The following NFAM1 variants were observed in gnomAD, a reference collection of about 807,000 sequenced individuals.
The protein encoded by NFAM1 is NFAT activating protein with ITAM motif 1.
Under a neutral mutation model 29.0 loss-of-function variants are expected in NFAM1, and 17 were observed. The ratio of observed to expected loss-of-function variants is 0.59; its 90% CI spans 0.40 to 0.88. The LOEUF (loss-of-function observed/expected upper bound fraction) is 0.88, where lower values mean the gene tolerates loss of function less well. NFAM1 is among the 40% of genes least tolerant of loss of function. NFAM1 has a pLI of 0.00. For synonymous variants in NFAM1, 175 were observed against 147.2 expected (o/e 1.19, Z -1.36); for missense variants, 324 against 344.6 (o/e 0.94, Z 0.47).
At chr22:42,421,514 C>G (rs1460300647) in intron 1 of NFAM1, among the ~76,000 whole-genome samples, 1 of 152,000 alleles carries the variant, frequency 6.6e-6, no homozygotes, top group African/African-American at 2.4e-5. Context: ...TCCTCTCACC[C>G]CCAGAATCTG....
At chr22:42,429,337 C>G (rs758901371) in intron 1 of NFAM1, among the ~76,000 whole-genome samples, 19 of 152,142 alleles carry the variant, frequency 1.2e-4, no homozygotes, top group Non-Finnish European at 2.5e-4. Context: ...CAAACTGGGC[C>G]GGGTGCGGTG....
At chr22:42,389,086 G>C (rs1929244822) in intron 4 of NFAM1, among the ~76,000 whole-genome samples, 1 of 152,194 alleles carries the variant, frequency 6.6e-6, no homozygotes, top group Non-Finnish European at 1.5e-5. Flanking sequence ...TGAGCTGGAT[G>C]ATTCTGGTCA....
At chr22:42,434,819 G>A (rs1601768999), upstream of NFAM1, among the ~76,000 whole-genome samples, 1 of 152,218 alleles carries the variant, frequency 6.6e-6, no homozygotes, top group Admixed American at 6.5e-5. Flanking sequence ...CTTGGCAGCT[G>A]AATTTGCAGG....
chr22:42,422,348 G>A (rs1034610350), intron 1 of NFAM1, among the ~76,000 whole-genome samples: 5 of 152,200 alleles, frequency 3.3e-5, no homozygotes, highest in Non-Finnish European at 7.3e-5. Context: ...GCTCACGCCT[G>A]TAATCCCAGC....
At chr22:42,425,423 C>A in intron 1 of NFAM1, among the ~76,000 whole-genome samples, 1 of 152,146 alleles carries the variant, frequency 6.6e-6, no homozygotes, top group East Asian at 1.9e-4. Flanking sequence ...TCACTTTTAT[C>A]CTGACTTCTC....
At chr22:42,400,023 C>G (rs1929674475) in intron 3 of NFAM1, among the ~76,000 whole-genome samples, 1 of 152,204 alleles carries the variant, frequency 6.6e-6, no homozygotes, top group African/African-American at 2.4e-5. Flanking sequence ...TCTTTCCATC[C>G]TCTCTGTTCT....
At chr22:42,399,700 G>A (rs184012385) in intron 3 of NFAM1, among the ~76,000 whole-genome samples, 54 of 152,220 alleles carry the variant, frequency 3.5e-4, no homozygotes, top group African/African-American at 1.2e-3. Context: ...GTCACGAGGC[G>A]GTACAGGCAG....
rs544893888 is a variant in NFAM1, at chr22:42,411,170, C to A, written c.451+237G>T. Among the ~76,000 whole-genome samples, 15 of 151,984 alleles carry A rather than the reference C, an allele frequency of 9.9e-5. No homozygotes were observed. The South Asian group carries it at 2.9e-3, about 29-fold the overall frequency. ...TCCTGAGTAGCTGGGATTACAGGCACCTGCCACCATGCCCAGCTAATTTTT... is the reference window on the plus strand; with the variant it reads ...TCCTGAGTAGCTGGGATTACAGGCAACTGCCACCATGCCCAGCTAATTTTT... On this transcript the variant is annotated intron_variant, in intron 2 of 5. Coordinates refer to ENST00000329021, the MANE Select transcript of NFAM1 (RefSeq NM_145912.8).
chr22:42,403,413 T>G (rs1159331323), intron 3 of NFAM1, among the ~76,000 whole-genome samples: 1 of 151,856 alleles, frequency 6.6e-6, no homozygotes, highest in Non-Finnish European at 1.5e-5. Context: ...ACATAGTAGG[T>G]GCTCAGCTCT....
At chr22:42,410,978 G>C (rs1930063554) in intron 2 of NFAM1, among the ~76,000 whole-genome samples, 1 of 151,320 alleles carries the variant, frequency 6.6e-6, no homozygotes, top group South Asian at 2.1e-4. Flanking sequence ...CTTTGCCAAT[G>C]CTGGTAGACA....
At chr22:42,397,124 C>T (rs1473095359) in intron 4 of NFAM1, among the ~76,000 whole-genome samples, 1 of 152,182 alleles carries the variant, frequency 6.6e-6, no homozygotes, top group African/African-American at 2.4e-5. Flanking sequence ...TTCGTGGAGC[C>T]GAAAGGAACG....
At chr22:42,397,667 G>A (rs561898258) in intron 4 of NFAM1, among the ~76,000 whole-genome samples, 191 bp downstream of exon 4, 3 of 152,196 alleles carry the variant, frequency 2.0e-5, no homozygotes, top group Non-Finnish European at 2.9e-5. Flanking sequence ...AGCCCTGCAC[G>A]TGTCATCTCT....
At chr22:42,422,640 C>G (rs561558140) in intron 1 of NFAM1, among the ~76,000 whole-genome samples, 1 of 152,196 alleles carries the variant, frequency 6.6e-6, no homozygotes, top group East Asian at 1.9e-4. Context: ...AAGGTCAAGT[C>G]GCTCCAACTT....
intron 1 of NFAM1, among the ~76,000 whole-genome samples, chr22:42,412,385 G>A (rs542907607): frequency 6.6e-6 from 1 of 152,330 alleles, no homozygotes; most frequent in African/African-American, 2.4e-5. Flanking sequence ...CCAAGGCAAA[G>A]TGAGAGCCCC....
intron 1 of NFAM1, among the ~76,000 whole-genome samples, chr22:42,427,680 A>G (rs1424564014): frequency 2.0e-5 from 3 of 152,234 alleles, no homozygotes; most frequent in African/African-American, 7.2e-5. Context: ...CTTCAGCCAT[A>G]TCGTGGACTG....
chr22:42,429,813 G>T (rs559822277), intron 1 of NFAM1, among the ~76,000 whole-genome samples: 3 of 152,218 alleles, frequency 2.0e-5, no homozygotes, highest in African/African-American at 7.2e-5. Flanking sequence ...GCACCAGGCT[G>T]ATGGTTAAGG....
At chr22:42,408,211 G>T (rs1352405677) in intron 3 of NFAM1, among the ~76,000 whole-genome samples, 1 of 152,166 alleles carries the variant, frequency 6.6e-6, no homozygotes, top group African/African-American at 2.4e-5. Flanking sequence ...GAGATTTCTT[G>T]ATTTCAGTTT....
At chr22:42,400,072 T>C (rs1216847802) in intron 3 of NFAM1, among the ~76,000 whole-genome samples, 1 of 152,216 alleles carries the variant, frequency 6.6e-6, no homozygotes, top group Non-Finnish European at 1.5e-5. Context: ...GGCAGGTGAC[T>C]TGCCGAGGCC....
intron 3 of NFAM1, among the ~76,000 whole-genome samples, chr22:42,399,182 T>C (rs1929636720): frequency 6.6e-6 from 1 of 152,066 alleles, no homozygotes; most frequent in Non-Finnish European, 1.5e-5. Flanking sequence ...GGCTCATGCC[T>C]GTAATCCCAG....
Sources: gnomAD v4.1 joint callset for allele counts (sites outside exome capture counted in the v4.1 genomes callset) on GRCh38, gnomAD v4.1.1 for gene constraint, MANE v1.5 for transcripts, NCBI Gene and HGNC (gene_info 2026-07-23, HGNC 2026-07-21) for gene names.